The following GRM4 variants were observed in gnomAD, a reference collection of about 807,000 sequenced individuals.
The protein encoded by GRM4 is glutamate metabotropic receptor 4.
Under a neutral mutation model 81.7 loss-of-function variants are expected in GRM4, and 28 were observed. That is an observed-to-expected ratio of 0.34 (90% confidence interval 0.25 to 0.47). The LOEUF is 0.47. Among genes scored for constraint, GRM4 ranks in the 20% least tolerant of loss-of-function variants. The pLI, the probability that GRM4 is intolerant of heterozygous loss-of-function variation, is 1.00. For synonymous variants in GRM4, 488 were observed against 528.8 expected, an observed-to-expected ratio of 0.92 and a Z score of 1.06; for missense variants, 948 against 1,290.0, an observed-to-expected ratio of 0.73 and a Z score of 4.06.
intron 2 of GRM4, among the ~76,000 whole-genome samples, chr6:34,125,003 T>C (rs1769967802): frequency 6.6e-6 from 1 of 151,972 alleles, no homozygotes; most frequent in Non-Finnish European, 1.5e-5. Context: ...AGACATAGTC[T>C]CGCTCTGTCG....
intron 2 of GRM4, among the ~76,000 whole-genome samples, chr6:34,128,922 C>T (rs1236587669): frequency 6.6e-6 from 1 of 152,196 alleles, no homozygotes; most frequent in African/African-American, 2.4e-5. Context: ...CTGGATCCCC[C>T]TGAGCTCTTA....
rs142010660 is a variant in GRM4 at position 34,040,111 on chromosome 6, G to A, written c.1506+67C>T. The A allele has an allele frequency of 2.8e-4, 426 of 1,512,388 alleles. 1 individual carries two copies. The African/African-American group carries it at 5.0e-3, about 18-fold the overall frequency. 93.7% of individuals were successfully genotyped at this position (1,512,388 alleles called of 1,614,324 possible). A position where few individuals can be genotyped will look rare whatever the true frequency, so the allele number is the denominator to read the frequency against. On this transcript the variant is annotated intron_variant, in intron 8 of 10. Transcript: ENST00000538487. ...GGCTAATCAGCAGCAGCCTCCCCTT[G>A]GGCCCCCCTCCCAGGGGCTGGAACT... is the stretch of plus-strand genomic sequence containing the variant.
chr6:34,117,141 G>A (rs181852755), intron 2 of GRM4, among the ~76,000 whole-genome samples: 1 of 152,342 alleles, frequency 6.6e-6, no homozygotes, highest in Non-Finnish European at 1.5e-5. Flanking sequence ...ATCTTACAGT[G>A]TATAAGTTGT....
intron 2 of GRM4, among the ~76,000 whole-genome samples, chr6:34,094,612 G>A (rs905109105): frequency 6.6e-6 from 1 of 152,206 alleles, no homozygotes; most frequent in Non-Finnish European, 1.5e-5. Flanking sequence ...ACACTGTGCA[G>A]GGGAGGTTAG....
At position 34,069,256 on chromosome 6, in the gene GRM4, C is replaced by CA; in HGVS notation, c.737-7229dup. On this transcript the variant is annotated intron_variant, in intron 3 of 10. Transcript: ENST00000538487. The surrounding 1 kb of genome is among the most constrained non-coding windows in gnomAD (Gnocchi z 6.4). ...TGACTTCCAAAGCCAGGCCCTTCCC[C>CA]AAAACAGCTCTCAGGAAGGGGACCA... Among the ~76,000 whole-genome samples, 1 of 152,068 alleles carries CA rather than the reference C, an allele frequency of 6.6e-6. No individual in the cohort carries two copies.
At position 34,116,683 on chromosome 6, in the gene GRM4, G is replaced by A. The variant is rs1320226008; in HGVS notation, c.519+16295C>T. ...TAATATATATATATGAGAAACGAGC[G>A]TTTACATCCACTAAAAGACACGTAC... On this transcript the variant is annotated intron_variant, in intron 2 of 10. Transcript: ENST00000538487. Among the ~76,000 whole-genome samples, 7 of 152,038 alleles carry A rather than the reference G, an allele frequency of 4.6e-5. No individual in the cohort carries two copies. The South Asian group carries it at 6.2e-4, about 14-fold the overall frequency.
intron 6 of GRM4, chr6:34,056,029 C>T (rs912153394): frequency 8.5e-5 from 13 of 152,924 alleles, no homozygotes; most frequent in African/African-American, 2.9e-4. Flanking sequence ...CTATCATTCA[C>T]TCGTCTTGTT....
At chr6:34,041,378 AC>A (rs1356972178) in intron 6 of GRM4, among the ~76,000 whole-genome samples, 7 of 152,226 alleles carry the variant, frequency 4.6e-5, no homozygotes, top group African/African-American at 1.4e-4. Flanking sequence ...CTCAGGGACA[AC>A]CCTCTTGTCC....
Position 34,132,968 on chromosome 6 carries a change from A to G in GRM4, c.519+10T>C, listed in dbSNP as rs1245564683. The G allele has an allele frequency of 1.3e-6, 2 of 1,579,498 alleles. No individual in the cohort carries two copies. Reference sequence around the variant, plus strand: ...GAAGAGCACCTCAGGGGACCAACCAAGGCACTGACCTTGAAGAGGCGAAGG... The same window carrying G: ...GAAGAGCACCTCAGGGGACCAACCAGGGCACTGACCTTGAAGAGGCGAAGG... On this transcript the variant is annotated intron_variant, in intron 2 of 10. Transcript: ENST00000538487.
In GRM4 at chr6:34,034,325, T is replaced by C. The variant is rs766572188; in HGVS notation, c.2442+1343A>G. ...CCTCCTTGACTCGACTGTCTCCTCG[T>C]CTCCCACCCAACGTGCCATCCATTG... On this transcript the variant is annotated intron_variant, in intron 9 of 10. Transcript: ENST00000538487. The surrounding 1 kb of genome is among the most constrained non-coding windows in gnomAD (Gnocchi z 4.0). Among the ~76,000 whole-genome samples the C allele has an allele frequency of 3.9e-5, 6 of 152,068 alleles. No homozygotes were observed. Among genetic ancestry groups the C allele is most frequent in the Non-Finnish European group, 8.8e-5 (6 of 68,002 alleles).
upstream of GRM4, among the ~76,000 whole-genome samples, chr6:34,147,343 A>G (rs538590818): frequency 3.0e-4 from 45 of 152,298 alleles, no homozygotes; most frequent in African/African-American, 1.1e-3. Flanking sequence ...CACATTTTGT[A>G]GAGATATAAG....
chr6:34,040,809 A>C, intron 6 of GRM4, 61 bp from the exon 7 acceptor site: 1 of 1,440,544 alleles, frequency 6.9e-7, no homozygotes, highest in Non-Finnish European at 9.6e-7. Flanking sequence ...CAGTGGTGTC[A>C]TGGGGGCCAG....
At chr6:34,040,820 A>T in intron 6 of GRM4, 72 bp from the exon 7 acceptor site, 1 of 1,325,628 alleles carries the variant, frequency 7.5e-7, no homozygotes, top group Admixed American at 1.7e-5. Flanking sequence ...TGGGGGCCAG[A>T]CCACCCTCTG....
chr6:34,058,181 C>T (rs112702478), intron 5 of GRM4, among the ~76,000 whole-genome samples: 5 of 152,062 alleles, frequency 3.3e-5, no homozygotes, highest in South Asian at 2.1e-4. Context: ...GACGTAGACC[C>T]GGGGGGCAGG....
intron 2 of GRM4, among the ~76,000 whole-genome samples, chr6:34,095,155 G>C (rs1768454007): frequency 6.6e-6 from 1 of 152,210 alleles, no homozygotes; most frequent in South Asian, 2.1e-4. Context: ...CTGATTTCAA[G>C]AGCGCAGGAG....
At position 34,028,105 on chromosome 6, in the gene GRM4, G is replaced by T. The variant is rs1349013593; in HGVS notation, c.2689+15C>A. The T allele has an allele frequency of 1.2e-6, 2 of 1,605,210 alleles. No homozygotes were observed. Among genetic ancestry groups the T allele is most frequent in the South Asian group, 2.2e-5 (2 of 90,438 alleles). On this transcript the variant is annotated intron_variant, in intron 10 of 10. Transcript: ENST00000538487. ...GCCTGGGGCCCGAGAGGGCAGAACG[G>T]GGCCAGGCACTCACCTGGGGCCTCA...
chr6:34,109,269 G>A (rs140863900), intron 2 of GRM4, among the ~76,000 whole-genome samples: 35 of 152,316 alleles, frequency 2.3e-4, no homozygotes, highest in East Asian at 5.8e-4. Flanking sequence ...GCCAGCAACT[G>A]GTGATCTGAG....
rs188263623 is a variant in GRM4 at position 34,130,298 on chromosome 6, C to T, written c.519+2680G>A. On this transcript the variant is annotated intron_variant, in intron 2 of 10. Coordinates refer to ENST00000538487, the MANE Select transcript of GRM4 (RefSeq NM_000841.4). This position sits in a 1 kb window ranked among gnomAD's most constrained non-coding sequence, Gnocchi z 4.1. ...AGCCGGCTGGTTTTCTCCCCGCTGT[C>T]CCTCCCTTTCCTTGCTGTCCTGCTT... Among the ~76,000 whole-genome samples the T allele has an allele frequency of 7.2e-5, 11 of 152,272 alleles. No individual in the cohort carries two copies. Among genetic ancestry groups the T allele is most frequent in the Admixed American group, 1.3e-4 (2 of 15,302 alleles).
At position 34,068,975 on chromosome 6, in the gene GRM4, G is replaced by T. The variant is rs923546741; in HGVS notation, c.737-6947C>A. 1.3e-5 allele frequency among the ~76,000 whole-genome samples: 2 copies of T among 151,964 alleles called. No individual in the cohort carries two copies. The highest frequency in any genetic ancestry group is 1.9e-4 in the East Asian group (1 of 5,182). On this transcript the variant is annotated intron_variant, in intron 3 of 10. Transcript: ENST00000538487. The surrounding 1 kb of genome is among the most constrained non-coding windows in gnomAD (Gnocchi z 4.2). ...TAAAAAGAGAGGAAAATAATGAAAA[G>T]ACAAACCCTAGGAATTCAAGTGGAA...
Sources: gnomAD v4.1 joint callset for allele counts (sites outside exome capture counted in the v4.1 genomes callset) on GRCh38, gnomAD v4.1.1 for gene constraint, Gnocchi (gnomAD v3.1) non-coding constraint, MANE v1.5 for transcripts, NCBI Gene and HGNC (gene_info 2026-07-23, HGNC 2026-07-21) for gene names.